Variants in C8orf34 observed in about 807,000 individuals in gnomAD.
C8orf34 encodes the protein uncharacterized protein C8orf34.
In C8orf34, 65 loss-of-function variants were observed where a neutral mutation model predicts 68.3. The ratio of observed to expected loss-of-function variants is 0.95; its 90% CI spans 0.78 to 1.17. The LOEUF is 1.17. C8orf34 is among the 50% of genes most tolerant of loss of function. The pLI, the probability that C8orf34 is intolerant of heterozygous loss-of-function variation, is 0.00. For synonymous variants in C8orf34, 244 were observed against 241.2 expected, an observed-to-expected ratio of 1.01 and a Z score of -0.11; for missense variants, 664 against 655.4, an observed-to-expected ratio of 1.01 and a Z score of -0.14.
rs747862590 is a variant in C8orf34, at chr8:68,575,956, G to GGTTTTTTTTTTTTTTTTTTTTTTTTTTT, written c.1105+42807_1105+42808insGTTTTTTTTTTTTTTTTTTTTTTTTTTT. On this transcript the variant is annotated intron_variant, in intron 7 of 13. Transcript: ENST00000518698. The stretch of plus-strand genomic sequence containing the variant: ...GCTGACATAATGCTAGTAGATGGTT[G>GGTTTTTTTTTTTTTTTTTTTTTTTTTTT]TTTTTTTTTTTTTTTTTTTTTGCCT... Among the ~76,000 whole-genome samples the GGTTTTTTTTTTTTTTTTTTTTTTTTTTT allele has an allele frequency of 3.1e-5, 3 of 96,348 alleles. 1 individual carries two copies. Among genetic ancestry groups the GGTTTTTTTTTTTTTTTTTTTTTTTTTTT allele is most frequent in the Non-Finnish European group, 2.1e-5 (1 of 47,324 alleles). 63.2% of individuals were successfully genotyped at this position (96,348 alleles called of 152,430 possible). A position where few individuals can be genotyped will look rare whatever the true frequency, so the allele number is the denominator to read the frequency against.
At chr8:68,628,616 T>G (rs762242744) in intron 7 of C8orf34, among the ~76,000 whole-genome samples, 3 of 152,166 alleles carry the variant, frequency 2.0e-5, no homozygotes, top group Non-Finnish European at 4.4e-5. Context: ...TTGATATAAA[T>G]CAACAAACCA....
At chr8:68,575,500 A>G (rs1390786937) in intron 7 of C8orf34, among the ~76,000 whole-genome samples, 1 of 152,136 alleles carries the variant, frequency 6.6e-6, no homozygotes, top group Non-Finnish European at 1.5e-5. Context: ...TTGCAGTGGT[A>G]CATTGGGTAA....
chr8:68,505,888 A>AT (rs1175366344), intron 5 of C8orf34, among the ~76,000 whole-genome samples: 6 of 152,146 alleles, frequency 3.9e-5, no homozygotes, highest in East Asian at 1.9e-4. Flanking sequence ...GCAAATATAT[A>AT]TTTTTTTACT....
chr8:68,442,149 T>G (rs1344339234), intron 2 of C8orf34, among the ~76,000 whole-genome samples: 1 of 152,086 alleles, frequency 6.6e-6, no homozygotes, highest in Non-Finnish European at 1.5e-5. Context: ...AAATTTTGTC[T>G]ATTTATTATG....
At chr8:68,638,973 G>C (rs541742353) in intron 7 of C8orf34, among the ~76,000 whole-genome samples, 32 of 152,142 alleles carry the variant, frequency 2.1e-4, no homozygotes, top group South Asian at 4.2e-4. Context: ...TTCTGGTAGG[G>C]GCAGGAGAGT....
chr8:68,681,176 AACAC>A (rs750279378), intron 8 of C8orf34, among the ~76,000 whole-genome samples: 9 of 152,168 alleles, frequency 5.9e-5, no homozygotes, highest in Non-Finnish European at 1.2e-4. Flanking sequence ...ATATTGTTCA[AACAC>A]ACATATTTTA....
intron 7 of C8orf34, among the ~76,000 whole-genome samples, chr8:68,603,770 G>T (rs1563556072): frequency 6.6e-6 from 1 of 152,056 alleles, no homozygotes; most frequent in Non-Finnish European, 1.5e-5. Flanking sequence ...TTCCTTAGGG[G>T]ATAGAAAAGT....
intron 5 of C8orf34, among the ~76,000 whole-genome samples, chr8:68,517,399 G>A (rs543200729): frequency 2.6e-5 from 4 of 152,250 alleles, no homozygotes; most frequent in African/African-American, 9.6e-5. Context: ...ACTAGAATGG[G>A]AGGAATATAA....
At chr8:68,446,248 A>G in intron 2 of C8orf34, 81 bp from the exon 3 acceptor site, 2 of 1,193,966 alleles carry the variant, frequency 1.7e-6, no homozygotes, top group Non-Finnish European at 2.4e-6. Context: ...TGTCAAGTAT[A>G]TTTAATGACT....
At chr8:68,619,298 C>G (rs1818319783) in intron 7 of C8orf34, among the ~76,000 whole-genome samples, 1 of 152,038 alleles carries the variant, frequency 6.6e-6, no homozygotes, top group Non-Finnish European at 1.5e-5. Context: ...TGCACTCCAG[C>G]CTGAGTGAGA....
intron 1 of C8orf34, among the ~76,000 whole-genome samples, chr8:68,437,634 C>T (rs1178592023): frequency 1.3e-5 from 2 of 151,942 alleles, no homozygotes; most frequent in Non-Finnish European, 2.9e-5. Flanking sequence ...AGCAGATGGC[C>T]TTTTTTAATT....
intron 7 of C8orf34, among the ~76,000 whole-genome samples, chr8:68,551,560 G>A (rs992853849): frequency 4.6e-5 from 7 of 151,996 alleles, no homozygotes; most frequent in Non-Finnish European, 1.0e-4. Flanking sequence ...TTTTTTGTTT[G>A]TTTGTTTGGG....
intron 1 of C8orf34, among the ~76,000 whole-genome samples, chr8:68,352,827 T>C (rs1563370460): frequency 6.6e-6 from 1 of 152,114 alleles, no homozygotes; most frequent in East Asian, 1.9e-4. Flanking sequence ...TTATACAAGA[T>C]GGTCAGAAGT....
At chr8:68,455,984 G>A (rs947794286) in intron 3 of C8orf34, among the ~76,000 whole-genome samples, 5 of 151,638 alleles carry the variant, frequency 3.3e-5, no homozygotes, top group Non-Finnish European at 5.9e-5. Context: ...GGTGGCTCAC[G>A]CCTGTAATTC....
At chr8:68,650,550 G>A (rs371291316) in intron 8 of C8orf34, among the ~76,000 whole-genome samples, 5 of 149,606 alleles carry the variant, frequency 3.3e-5, no homozygotes, top group African/African-American at 1.2e-4. Flanking sequence ...CAGGATCTCG[G>A]CTCACTGCAA....
intron 7 of C8orf34, among the ~76,000 whole-genome samples, chr8:68,581,666 G>A (rs920327707): frequency 6.6e-6 from 1 of 152,146 alleles, no homozygotes; most frequent in South Asian, 2.1e-4. Context: ...TGATCAGGAA[G>A]CATCATGAAA....
At chr8:68,334,884 G>A (rs537978174) in intron 1 of C8orf34, among the ~76,000 whole-genome samples, 271 of 152,264 alleles carry the variant, frequency 1.8e-3, no homozygotes, top group African/African-American at 6.4e-3. Flanking sequence ...ATATTTTGCT[G>A]TTGCCCAGCT....
intron 1 of C8orf34, among the ~76,000 whole-genome samples, chr8:68,387,040 A>G (rs1338201408): frequency 1.3e-5 from 2 of 152,014 alleles, no homozygotes; most frequent in Non-Finnish European, 2.9e-5. Context: ...GAAGGATGGC[A>G]TGATACAAAG....
intron 5 of C8orf34, among the ~76,000 whole-genome samples, chr8:68,491,841 C>T (rs559642115): frequency 6.6e-6 from 1 of 152,320 alleles, no homozygotes; most frequent in South Asian, 2.1e-4. Context: ...TATCCAAGTT[C>T]AAATGGTAGT....
Sources: gnomAD v4.1 joint callset for allele counts (sites outside exome capture counted in the v4.1 genomes callset) on GRCh38, gnomAD v4.1.1 for gene constraint, MANE v1.5 for transcripts, NCBI Gene and HGNC (gene_info 2026-07-23, HGNC 2026-07-21) for gene names.